PIP5K1B: variants seen among roughly 807,000 people sequenced by gnomAD.
PIP5K1B encodes phosphatidylinositol-4-phosphate 5-kinase type 1 beta.
In PIP5K1B, 42 loss-of-function variants were observed where a neutral mutation model predicts 67.0. The observed-to-expected ratio is 0.63, with a 90% CI of 0.49 to 0.81. PIP5K1B has a LOEUF of 0.81. Among genes scored for constraint, PIP5K1B ranks in the 30% least tolerant of loss-of-function variants. PIP5K1B has a pLI of 0.00. For missense variants in PIP5K1B, 459 were observed against 646.3 expected, an observed-to-expected ratio of 0.71 and a Z score of 3.14; for synonymous variants, 214 against 231.4, an observed-to-expected ratio of 0.92 and a Z score of 0.68.
chr9:68,808,104 G>A (rs1237690083), intron 2 of PIP5K1B, among the ~76,000 whole-genome samples: 2 of 152,156 alleles, frequency 1.3e-5, no homozygotes, highest in South Asian at 2.1e-4. Flanking sequence ...AGGCTGAGGC[G>A]GGAGAGTCAC....
chr9:68,790,124 G>GA (rs1341844824), intron 2 of PIP5K1B, among the ~76,000 whole-genome samples: 1 of 151,892 alleles, frequency 6.6e-6, no homozygotes, highest in East Asian at 1.9e-4. Flanking sequence ...TTTTTTAAAG[G>GA]AAAAATGTAA....
chr9:68,761,611 C>A (rs1311541328), intron 2 of PIP5K1B, among the ~76,000 whole-genome samples: 6 of 152,084 alleles, frequency 3.9e-5, no homozygotes, highest in Non-Finnish European at 8.8e-5. Flanking sequence ...AATTCCTCTT[C>A]TTGCCTTTTC....
At chr9:68,910,954 A>G (rs1211824898) in intron 8 of PIP5K1B, among the ~76,000 whole-genome samples, 1 of 152,252 alleles carries the variant, frequency 6.6e-6, no homozygotes, top group Non-Finnish European at 1.5e-5. Context: ...GGGCCATATT[A>G]GTGAGGACTT....
At position 68,894,451 on chromosome 9, in the gene PIP5K1B, C is replaced by G; in HGVS notation, c.584C>G (p.Ser195Cys). ...IVVMNNVLPR[S>C]MRMHFTYDLK... ...GTGATGAACAACGTTTTGCCACGCTCCATGAGAATGCACTTTACATATGAC... is the reference window on the plus strand; with the variant it reads ...GTGATGAACAACGTTTTGCCACGCTGCATGAGAATGCACTTTACATATGAC... Residue 195 changes from serine (S) to cysteine (C), a missense_variant, in exon 8 of 16, where the codon TCC becomes TGC. Ser to Cys is a moderately radical substitution (Grantham distance 112). Around this residue, in one of 2 missense-constraint regions of PIP5K1B, gnomAD observed 290 missense variants for 474.4 expected, o/e 0.61. Transcript: ENST00000265382. 1.2e-6 allele frequency: 2 copies of G among 1,614,042 alleles called. No homozygotes were observed. The highest frequency in any genetic ancestry group is 1.7e-6 in the Non-Finnish European group (2 of 1,180,004).
chr9:68,945,658 T>C (rs1205676647), intron 14 of PIP5K1B, among the ~76,000 whole-genome samples: 2 of 152,222 alleles, frequency 1.3e-5, no homozygotes, highest in African/African-American at 2.4e-5. Flanking sequence ...GATTTAATTC[T>C]CACAGCAATT....
intron 2 of PIP5K1B, among the ~76,000 whole-genome samples, chr9:68,813,422 A>G: frequency 6.6e-6 from 1 of 152,220 alleles, no homozygotes; most frequent in Non-Finnish European, 1.5e-5. Flanking sequence ...AAAATATTCC[A>G]AGTATCTCTA....
chr9:68,935,378 G>T (rs1339059863), intron 13 of PIP5K1B, among the ~76,000 whole-genome samples: 2 of 152,152 alleles, frequency 1.3e-5, no homozygotes, highest in Non-Finnish European at 2.9e-5. Flanking sequence ...TGAGGCATGA[G>T]AATCACTTGA....
Position 68,923,318 on chromosome 9 carries a change from A to G in PIP5K1B, c.1133A>G (p.His378Arg). The G allele has an allele frequency of 6.2e-7, 1 of 1,601,016 alleles. No individual in the cohort carries two copies. Among genetic ancestry groups the G allele is most frequent in the South Asian group, 1.1e-5 (1 of 88,520 alleles). Residue 378 changes from histidine to arginine, a missense_variant, in exon 12 of 16, where the codon CAT becomes CGT. By Grantham distance (29) the His-to-Arg change is conservative. Coordinates refer to ENST00000265382, the MANE Select transcript of PIP5K1B (RefSeq NM_003558.4). ...LVYDGDTVSV[H>R]RPSFYADRFL... ...TCTTTTCAGGACACTGTTTCTGTTC[A>G]TAGACCAAGCTTTTATGCAGACAGA...
At chr9:68,936,966 G>C (rs927208433) in intron 13 of PIP5K1B, among the ~76,000 whole-genome samples, 3 of 152,190 alleles carry the variant, frequency 2.0e-5, no homozygotes, top group Non-Finnish European at 4.4e-5. Context: ...AAGCCGACTT[G>C]ATCATGGTGG....
intron 1 of PIP5K1B, among the ~76,000 whole-genome samples, chr9:68,724,426 A>G (rs1015215709): frequency 1.3e-5 from 2 of 152,072 alleles, no homozygotes; most frequent in African/African-American, 4.8e-5. Flanking sequence ...ATTTCTGTGA[A>G]GAATGTAATT....
chr9:68,965,093 G>T (rs547528567), intron 14 of PIP5K1B, among the ~76,000 whole-genome samples: 1 of 152,134 alleles, frequency 6.6e-6, no homozygotes, highest in African/African-American at 2.4e-5. Context: ...AGAAGCTTTC[G>T]AATTAGAATG....
chr9:68,923,306 C>T lies in PIP5K1B; in HGVS notation c.1121C>T (p.Thr374Ile). Residue 374 changes from threonine to isoleucine, a missense_variant, in exon 12 of 16, where the codon ACT (threonine) becomes ATT (isoleucine). This residue lies in a region of PIP5K1B where 290 missense variants were observed against 474.4 expected (regional missense o/e 0.61). Coordinates refer to ENST00000265382, the MANE Select transcript of PIP5K1B (RefSeq NM_003558.4). ...CCTGGGTTTTTGTCTTTTCAGGACA[C>T]TGTTTCTGTTCATAGACCAAGCTTT... ...SWKALVYDGDTVSVHRPSFYA... is the reference protein window; with the variant it reads ...SWKALVYDGDIVSVHRPSFYA... 1 of 1,586,404 alleles carries T rather than the reference C, an allele frequency of 6.3e-7. No individual in the cohort carries two copies. The highest frequency in any genetic ancestry group is 8.6e-7 in the Non-Finnish European group (1 of 1,159,198).
chr9:68,707,025 C>A (rs1449305993), intron 1 of PIP5K1B, among the ~76,000 whole-genome samples: 1 of 152,108 alleles, frequency 6.6e-6, no homozygotes, highest in Non-Finnish European at 1.5e-5. Flanking sequence ...GCATTCCCAG[C>A]TGAAAGGAGA....
intron 2 of PIP5K1B, among the ~76,000 whole-genome samples, chr9:68,744,581 A>T (rs1042421477): frequency 1.3e-5 from 2 of 152,056 alleles, no homozygotes; most frequent in African/African-American, 4.8e-5. Flanking sequence ...CTGTGGTTGG[A>T]GGCTTTTTCT....
intron 2 of PIP5K1B, among the ~76,000 whole-genome samples, chr9:68,813,311 C>T (rs1358789542): frequency 6.6e-6 from 1 of 152,162 alleles, no homozygotes; most frequent in African/African-American, 2.4e-5. Flanking sequence ...AATGTGACTA[C>T]GAAGTCCAAA....
chr9:68,811,393 A>G (rs1833155751), intron 2 of PIP5K1B, among the ~76,000 whole-genome samples: 1 of 152,080 alleles, frequency 6.6e-6, no homozygotes, highest in Non-Finnish European at 1.5e-5. Flanking sequence ...ATGGGCTCAG[A>G]TGCTTTTCAT....
chr9:68,853,330 CTA>C (rs1822589543), intron 4 of PIP5K1B, among the ~76,000 whole-genome samples: 1 of 152,166 alleles, frequency 6.6e-6, no homozygotes, highest in African/African-American at 2.4e-5. Flanking sequence ...TCACCCCACT[CTA>C]TGAAAGGGCC....
intron 2 of PIP5K1B, among the ~76,000 whole-genome samples, chr9:68,768,928 C>A (rs916506205): frequency 6.6e-6 from 1 of 152,186 alleles, no homozygotes; most frequent in Non-Finnish European, 1.5e-5. Context: ...AGTAAAGATA[C>A]TGGGCAAACC....
chr9:68,927,015 A>G (rs1049215951), intron 12 of PIP5K1B, among the ~76,000 whole-genome samples: 9 of 152,226 alleles, frequency 5.9e-5, no homozygotes, highest in African/African-American at 2.2e-4. Flanking sequence ...CTGGCATTTC[A>G]TATAAATCAT....
Sources: allele counts gnomAD v4.1 joint callset (sites outside exome capture counted in the v4.1 genomes callset), GRCh38; gene constraint gnomAD v4.1.1; regional missense constraint gnomAD v4.1.1; transcripts MANE v1.5; gene names NCBI Gene and HGNC (gene_info 2026-07-23, HGNC 2026-07-21).